The following MAP3K7 variants were observed in gnomAD, a reference collection of about 807,000 sequenced individuals.
MAP3K7 encodes the protein TGF-beta activated kinase 1.
In MAP3K7, 21 loss-of-function variants were observed where a neutral mutation model predicts 84.8. The ratio of observed to expected loss-of-function variants is 0.25; its 90% CI spans 0.18 to 0.36. The LOEUF is 0.36. Ranked by LOEUF, MAP3K7 falls within the 10% of genes least tolerant of loss-of-function variation. MAP3K7 has a pLI of 1.00. For missense variants in MAP3K7, 503 were observed against 747.7 expected, an observed-to-expected ratio of 0.67 and a Z score of 3.82; for synonymous variants, 241 against 247.7, an observed-to-expected ratio of 0.97 and a Z score of 0.25.
intron 1 of MAP3K7, among the ~76,000 whole-genome samples, chr6:90,582,606 C>T (rs562082508): frequency 6.6e-6 from 1 of 152,240 alleles, no homozygotes; most frequent in South Asian, 2.1e-4. Context: ...GGGAACAGCG[C>T]TTTAGGCAGA....
intron 1 of MAP3K7, 120 bp downstream of exon 1, chr6:90,586,644 T>G: frequency 7.5e-7 from 1 of 1,336,092 alleles, no homozygotes; most frequent in Non-Finnish European, 1.0e-6. Context: ...GTCTCCCGGG[T>G]GGACCCCGCA....
At position 90,536,235 on chromosome 6, in the gene MAP3K7, T is replaced by C. The variant is rs187815420; in HGVS notation, c.1356+102A>G. On this transcript the variant is annotated intron_variant, in intron 13 of 16. Coordinates refer to ENST00000369329, the MANE Select transcript of MAP3K7 (RefSeq NM_145331.3). ...GTGCAATGAATTTCTCTATCACAAC[T>C]TTAGGTCAACTCATAAAACTAATTT... is the stretch of plus-strand genomic sequence containing the variant. 206 of 849,932 alleles carry C rather than the reference T, an allele frequency of 2.4e-4. 1 individual carries two copies. The East Asian group carries it at 4.9e-3, about 20-fold the overall frequency. 52.6% of individuals were successfully genotyped at this position (849,932 alleles called of 1,614,324 possible). A position where few individuals can be genotyped will look rare whatever the true frequency, so the allele number is the denominator to read the frequency against.
chr6:90,566,845 G>C (rs956483407), intron 3 of MAP3K7, among the ~76,000 whole-genome samples: 1 of 152,064 alleles, frequency 6.6e-6, no homozygotes, highest in Non-Finnish European at 1.5e-5. Flanking sequence ...AAACAGCACG[G>C]TACTGGTACC....
In MAP3K7 at chr6:90,536,421, A is replaced by G. The variant is rs761051702; in HGVS notation, c.1292-20T>C. 2.5e-6 allele frequency: 4 copies of G among 1,594,334 alleles called. No homozygotes were observed. Among genetic ancestry groups the G allele is most frequent in the Non-Finnish European group, 3.4e-6 (4 of 1,163,600 alleles). On this transcript the variant is annotated intron_variant, in intron 12 of 16. Coordinates refer to ENST00000369329, the MANE Select transcript of MAP3K7 (RefSeq NM_145331.3). ...CGTTGCCTTTAAAAAGAAGAAAAAA[A>G]GTAAAATACTAAAATCTAGTCAAAC...
intron 13 of MAP3K7, among the ~76,000 whole-genome samples, chr6:90,534,131 G>C (rs1299513203): frequency 6.6e-6 from 1 of 152,140 alleles, no homozygotes; most frequent in African/African-American, 2.4e-5. Flanking sequence ...TTTGAGTCAA[G>C]AGCCACAGTA....
intron 5 of MAP3K7, 144 bp from the exon 6 acceptor site, chr6:90,556,768 G>C: frequency 1.3e-6 from 1 of 787,478 alleles, no homozygotes; most frequent in Non-Finnish European, 1.9e-6. Flanking sequence ...TAATTTACTT[G>C]GTCACTATAA....
intron 3 of MAP3K7, among the ~76,000 whole-genome samples, chr6:90,562,414 C>T (rs1399244200): frequency 6.6e-6 from 1 of 152,250 alleles, no homozygotes; most frequent in South Asian, 2.1e-4. Context: ...AAACACCACA[C>T]CAGGAGATTA....
Position 90,548,107 on chromosome 6 carries a change from G to T in MAP3K7, c.1020C>A (p.Ala340=). 6.2e-7 allele frequency: 1 copy of T among 1,611,892 alleles called. No individual in the cohort carries two copies. The highest frequency in any genetic ancestry group is 8.5e-7 in the Non-Finnish European group (1 of 1,178,728). Residue 340 remains alanine (A), a synonymous_variant, in exon 10 of 17, where the codon GCC becomes GCA. Transcript: ENST00000369329. ...KSDTNMEQVP[A]TNDTIKRLES... ...CTAAGCGCTTAATAGTATCATTTGT[G>T]GCAGGAACTTGCTCCATATTAGTGT...
rs35323102 is a variant in MAP3K7, at chr6:90,568,450, T to C, written c.297+108A>G. On this transcript the variant is annotated intron_variant, in intron 3 of 16. Coordinates refer to ENST00000369329, the MANE Select transcript of MAP3K7 (RefSeq NM_145331.3). ...TTATCTTGAAAAAATATAATATTTT[T>C]GAAAAACTTAAAAAAAACAAAAAAA... is the stretch of plus-strand genomic sequence containing the variant. 2,441 of 765,678 alleles carry C rather than the reference T, an allele frequency of 3.2e-3. 53 individuals are homozygous for C. In the African/African-American group the frequency reaches 0.039, roughly 12 times the overall value. The allele number at this position is 765,678 out of a possible 1,614,324, so 47.4% of individuals were successfully genotyped here.
intron 1 of MAP3K7, among the ~76,000 whole-genome samples, chr6:90,574,460 T>C (rs1228434842): frequency 6.6e-6 from 1 of 152,106 alleles, no homozygotes; most frequent in Non-Finnish European, 1.5e-5. Flanking sequence ...AAGCAGGTCC[T>C]AAAAAAATTT....
intron 14 of MAP3K7, among the ~76,000 whole-genome samples, chr6:90,521,257 CGTGTGTGTGTGTGTGT>C (rs59945419): frequency 2.0e-5 from 3 of 148,650 alleles, no homozygotes; most frequent in Middle Eastern, 3.5e-3. Flanking sequence ...AAGTTTTTTG[CGTGTGTGTGTGTGTGT>C]GTGTGTGTGT....
At chr6:90,561,555 G>A in intron 4 of MAP3K7, 67 bp downstream of exon 4, 2 of 1,179,712 alleles carry the variant, frequency 1.7e-6, no homozygotes, top group Admixed American at 2.0e-5. Context: ...AAACAACTTA[G>A]GGTTTATATT....
intron 1 of MAP3K7, among the ~76,000 whole-genome samples, chr6:90,574,866 C>T (rs1777021078): frequency 6.6e-6 from 1 of 152,154 alleles, no homozygotes; most frequent in South Asian, 2.1e-4. Context: ...TTTTCTAGAA[C>T]ACCCTGAAAT....
intron 5 of MAP3K7, among the ~76,000 whole-genome samples, chr6:90,559,482 G>A (rs1776440102): frequency 1.3e-5 from 2 of 152,126 alleles, no homozygotes; most frequent in African/African-American, 4.8e-5. Context: ...TGTTTTATGT[G>A]TATGTTTTCT....
intron 11 of MAP3K7, 90 bp downstream of exon 11, chr6:90,547,166 GAC>G: frequency 7.2e-7 from 1 of 1,396,362 alleles, no homozygotes; most frequent in Non-Finnish European, 9.8e-7. Flanking sequence ...AAAAATATAA[GAC>G]ACACACAAAA....
intron 2 of MAP3K7, among the ~76,000 whole-genome samples, chr6:90,569,600 C>T (rs947677420): frequency 2.0e-5 from 3 of 152,130 alleles, no homozygotes; most frequent in Non-Finnish European, 4.4e-5. Flanking sequence ...ACCTCAGCCT[C>T]TGGAGTAGCT....
chr6:90,579,307 T>C (rs898559018), intron 1 of MAP3K7, among the ~76,000 whole-genome samples: 9 of 152,198 alleles, frequency 5.9e-5, no homozygotes, highest in African/African-American at 2.2e-4. Context: ...AAAGGGCTTA[T>C]GGCAGTCTCC....
chr6:90,519,413 A>G (rs1443006353), intron 14 of MAP3K7, 94 bp from the exon 15 acceptor site: 9 of 741,538 alleles, frequency 1.2e-5, no homozygotes, highest in Non-Finnish European at 1.8e-5. Flanking sequence ...TTTTCCCTAA[A>G]GTAAATAATA....
At position 90,586,999 on chromosome 6, in the gene MAP3K7, C is replaced by A. The variant is rs544289499; in HGVS notation, c.-116G>T. ...AGCCTGGAGCCGCGCAGTCCTACTA[C>A]CCGGCGATCCGTGGCGGGGGTAGAG... On this transcript the variant is annotated 5_prime_UTR_variant, in exon 1 of 17. Coordinates refer to ENST00000369329, the MANE Select transcript of MAP3K7 (RefSeq NM_145331.3). 3.2e-6 allele frequency: 4 copies of A among 1,246,914 alleles called. No individual in the cohort carries two copies. Among genetic ancestry groups the A allele is most frequent in the Admixed American group, 3.8e-5 (1 of 26,312 alleles). 77.2% of individuals were successfully genotyped at this position (1,246,914 alleles called of 1,614,324 possible). A position where few individuals can be genotyped will look rare whatever the true frequency, so the allele number is the denominator to read the frequency against.
Sources: allele counts gnomAD v4.1 joint callset (sites outside exome capture counted in the v4.1 genomes callset), GRCh38; gene constraint gnomAD v4.1.1; transcripts MANE v1.5; gene names NCBI Gene and HGNC (gene_info 2026-07-23, HGNC 2026-07-21).